Variants in LPAR5 observed in about 807,000 individuals in gnomAD.
LPAR5 encodes lysophosphatidic acid receptor 5.
For missense variants in LPAR5, 544 were observed against 521.8 expected (o/e 1.04, Z -0.41); for synonymous variants, 271 against 261.6 (o/e 1.04, Z -0.35).
intron 1 of LPAR5, among the ~76,000 whole-genome samples, chr12:6,625,406 C>G (rs1948928440): frequency 8.2e-6 from 1 of 121,740 alleles, no homozygotes; most frequent in Non-Finnish European, 1.7e-5. Flanking sequence ...GCCTGGGCAA[C>G]AGAGACTCCG....
At chr12:6,630,840 C>G (rs933561237) in intron 1 of LPAR5, among the ~76,000 whole-genome samples, 1 of 152,214 alleles carries the variant, frequency 6.6e-6, no homozygotes, top group Non-Finnish European at 1.5e-5. Flanking sequence ...GCACTGAGAG[C>G]TGCCAGGCCC....
chr12:6,623,823 A>G (rs1331034647), intron 1 of LPAR5, among the ~76,000 whole-genome samples: 1 of 152,046 alleles, frequency 6.6e-6, no homozygotes, highest in African/African-American at 2.4e-5. Flanking sequence ...CTCATTATCC[A>G]AAGAATAAAG....
intron 1 of LPAR5, among the ~76,000 whole-genome samples, chr12:6,628,578 A>G (rs1948960456): frequency 1.3e-5 from 2 of 151,358 alleles, no homozygotes; most frequent in African/African-American, 4.9e-5. Context: ...CTCCTGCTTC[A>G]GCCTCCTGAA....
rs753632355 is a variant in LPAR5, at chr12:6,620,391, G to A, written c.858C>T (p.Ala286=). The A allele has an allele frequency of 6.2e-7, 1 of 1,611,424 alleles. No individual in the cohort carries two copies. Among genetic ancestry groups the A allele is most frequent in the Non-Finnish European group, 8.5e-7 (1 of 1,179,206 alleles). The change falls in exon 2 of 2, where the codon GCC becomes GCT. Residue 286 remains alanine (A), a synonymous_variant. Coordinates refer to ENST00000329858, the MANE Select transcript of LPAR5 (RefSeq NM_020400.6). This position sits in a 1 kb window ranked among gnomAD's most constrained non-coding sequence, Gnocchi z 6.8. ...GCGGGTCCAGCACGCAGTTGGCGCCGGCCAGCAGCACCATCACCATCAGCA... is the reference window on the plus strand; with the variant it reads ...GCGGGTCCAGCACGCAGTTGGCGCCAGCCAGCAGCACCATCACCATCAGCA... ...RGVLMVMVLL[A]GANCVLDPLV... is the part of the protein sequence containing the mutation.
In LPAR5 at chr12:6,621,034, G is replaced by A; in HGVS notation, c.215C>T (p.Thr72Ile). 1 of 1,609,362 alleles carries A rather than the reference G, an allele frequency of 6.2e-7. No homozygotes were observed. The highest frequency in any genetic ancestry group is 1.1e-5 in the South Asian group (1 of 90,690). Residue 72 changes from threonine to isoleucine, a missense_variant, in exon 2 of 2, where the codon ACC (threonine) becomes ATC (isoleucine). Thr to Ile is a moderately conservative substitution (Grantham distance 89, BLOSUM62 -1). Coordinates refer to ENST00000329858, the MANE Select transcript of LPAR5 (RefSeq NM_020400.6). ...CNLAASDLLF[T>I]LSLPVRLSYY... Reference sequence around the variant, plus strand: ...GGAGAGACGAACGGGCAGCGAGAGGGTGAAGAGCAGGTCGCTGGCCGCCAG... The same window carrying A: ...GGAGAGACGAACGGGCAGCGAGAGGATGAAGAGCAGGTCGCTGGCCGCCAG...
intron 1 of LPAR5, among the ~76,000 whole-genome samples, 170 bp downstream of exon 1, chr12:6,635,737 A>G (rs1031310943): frequency 3.9e-5 from 6 of 152,110 alleles, no homozygotes; most frequent in Non-Finnish European, 7.4e-5. Context: ...GCGCCATCTG[A>G]AAAGATCTGT....
Position 6,621,032 on chromosome 12 carries a change from G to A in LPAR5, c.217C>T (p.Leu73Phe), listed in dbSNP as rs900370196. Residue 73 changes from leucine to phenylalanine, a missense_variant, in exon 2 of 2, where the codon CTC (leucine) becomes TTC (phenylalanine). By Grantham distance (22) the Leu-to-Phe change is conservative. Transcript: ENST00000329858. The part of the protein sequence containing the change: ...NLAASDLLFT[L>F]SLPVRLSYYA... The stretch of plus-strand genomic sequence containing the variant: ...TAGGAGAGACGAACGGGCAGCGAGA[G>A]GGTGAAGAGCAGGTCGCTGGCCGCC... The A allele has an allele frequency of 6.2e-7, 1 of 1,610,674 alleles. No individual in the cohort carries two copies. Among genetic ancestry groups the A allele is most frequent in the South Asian group, 1.1e-5 (1 of 90,774 alleles).
intron 1 of LPAR5, among the ~76,000 whole-genome samples, chr12:6,629,609 G>T (rs1326976794): frequency 6.8e-6 from 1 of 147,852 alleles, no homozygotes; most frequent in Non-Finnish European, 1.5e-5. Flanking sequence ...GGGAGGCAGA[G>T]GTTGCAGTGA....
intron 1 of LPAR5, among the ~76,000 whole-genome samples, 189 bp downstream of exon 1, chr12:6,635,718 G>C (rs1285714774): frequency 6.6e-6 from 1 of 152,170 alleles, no homozygotes; most frequent in Non-Finnish European, 1.5e-5. Flanking sequence ...CATGTTAGCT[G>C]TTTGTCCAGC....
Position 6,620,301 on chromosome 12 carries a change from C to G in LPAR5, c.948G>C (p.Arg316=), listed in dbSNP as rs755923054. 1.9e-6 allele frequency: 3 copies of G among 1,606,360 alleles called. No homozygotes were observed. The highest frequency in any genetic ancestry group is 2.2e-5 in the East Asian group (1 of 44,598). Residue 316 remains arginine, a synonymous_variant, in exon 2 of 2, where the codon CGG becomes CGC. Transcript: ENST00000329858. This position sits in a 1 kb window ranked among gnomAD's most constrained non-coding sequence, Gnocchi z 6.8. ...TCCCGTTGGTGGCCGAGGTCCTGGCCCGGTGCGGAGTGCCCAGGCCGCGCA... is the reference window on the plus strand; with the variant it reads ...TCCCGTTGGTGGCCGAGGTCCTGGCGCGGTGCGGAGTGCCCAGGCCGCGCA... ...NTLRGLGTPH[R]ARTSATNGTR...
In LPAR5 at chr12:6,620,132, A is replaced by G; in HGVS notation, c.1117T>C (p.Ter373ArgextTer80). The change falls in exon 2 of 2, where the codon TGA becomes CGA. Residue 373 changes from the stop codon to arginine, a stop_lost. Coordinates refer to ENST00000329858, the MANE Select transcript of LPAR5 (RefSeq NM_020400.6). This position sits in a 1 kb window ranked among gnomAD's most constrained non-coding sequence, Gnocchi z 6.8. ...GGACAGCGCAATGGCATGTGTGTTC[A>G]GAGGGCGGAATCCTGGGGACACTGT... ...FTQCPQDSAL[*>R] 6.2e-7 allele frequency: 1 copy of G among 1,613,854 alleles called. No individual in the cohort carries two copies. Among genetic ancestry groups the G allele is most frequent in the East Asian group, 2.2e-5 (1 of 44,878 alleles).
chr12:6,630,452 TTTTTTTTTTTTTTTTTTTTTGA>T (rs928729540), intron 1 of LPAR5, among the ~76,000 whole-genome samples: 2 of 110,030 alleles, frequency 1.8e-5, no homozygotes, highest in Non-Finnish European at 3.8e-5. Context: ...TTTTTTTTTT[TTTTTTTTTTTTTTTTTTTTTGA>T]GACGGAGTCT....
chr12:6,623,169 C>T (rs549060325), intron 1 of LPAR5, among the ~76,000 whole-genome samples: 5 of 151,342 alleles, frequency 3.3e-5, no homozygotes, highest in African/African-American at 9.7e-5. Context: ...ACCCAGGAGG[C>T]GGAGGTTGCA....
rs775965638 is a variant in LPAR5, at chr12:6,621,121, G to T, written c.128C>A (p.Ala43Asp). 3 of 1,603,360 alleles carry T rather than the reference G, an allele frequency of 1.9e-6. No homozygotes were observed. In the Admixed American group the frequency reaches 5.1e-5, roughly 27 times the overall value. The stretch of plus-strand genomic sequence containing the variant: ...CAGCGCGCGCAGGAAGACCCAGAGG[G>T]CTAGCGCGTTGAGGGGGAGCCCGGC... Reference protein sequence around the residue: ...LAAGLPLNALALWVFLRALRV... With the variant: ...LAAGLPLNALDLWVFLRALRV... Residue 43 changes from alanine to aspartate, a missense_variant, in exon 2 of 2, where the codon GCC (alanine) becomes GAC (aspartate). By Grantham distance (126) the Ala-to-Asp change is moderately radical (BLOSUM62 -2). Coordinates refer to ENST00000329858, the MANE Select transcript of LPAR5 (RefSeq NM_020400.6).
chr12:6,626,232 G>C (rs187308492), intron 1 of LPAR5, among the ~76,000 whole-genome samples: 24 of 152,222 alleles, frequency 1.6e-4, no homozygotes, highest in African/African-American at 5.5e-4. Flanking sequence ...CTAAGATCGC[G>C]CCACTGCACT....
At chr12:6,623,128 C>T (rs1483624210) in intron 1 of LPAR5, among the ~76,000 whole-genome samples, 1 of 152,064 alleles carries the variant, frequency 6.6e-6, no homozygotes, top group Non-Finnish European at 1.5e-5. Context: ...GTCCCAGCTA[C>T]TCAGGAGGCT....
intron 1 of LPAR5, among the ~76,000 whole-genome samples, chr12:6,632,054 C>T (rs34012476): frequency 0.12 from 18,435 of 152,210 alleles, 1,422 homozygotes; most frequent in East Asian, 0.25. Context: ...TCACTGCAAC[C>T]TCTGCCTCCC....
chr12:6,633,832 T>C (rs1948995341), intron 1 of LPAR5, among the ~76,000 whole-genome samples: 1 of 151,846 alleles, frequency 6.6e-6, no homozygotes, highest in Non-Finnish European at 1.5e-5. Context: ...ACAGATGGAG[T>C]TGGGCTCTAG....
In LPAR5 at chr12:6,619,828, T is replaced by C. The variant is rs1221957004; in HGVS notation, c.*302A>G. Reference sequence around the variant, plus strand: ...ATCTAACCAGCTTTTAGCAGTTTAATGCCCTGCCCACCCAAAGGCATTTCG... The same window carrying C: ...ATCTAACCAGCTTTTAGCAGTTTAACGCCCTGCCCACCCAAAGGCATTTCG... On this transcript the variant is annotated 3_prime_UTR_variant, in exon 2 of 2. Transcript: ENST00000329858. The C allele has an allele frequency of 1.8e-6, 1 of 552,348 alleles. No homozygotes were observed. The highest frequency in any genetic ancestry group is 1.9e-5 in the African/African-American group (1 of 53,756). 34.2% of individuals were successfully genotyped at this position (552,348 alleles called of 1,614,324 possible). A position where few individuals can be genotyped will look rare whatever the true frequency, so the allele number is the denominator to read the frequency against.
Sources: allele counts gnomAD v4.1 joint callset (sites outside exome capture counted in the v4.1 genomes callset), GRCh38; gene constraint gnomAD v4.1.1; non-coding constraint Gnocchi (gnomAD v3.1); transcripts MANE v1.5; gene names NCBI Gene and HGNC (gene_info 2026-07-23, HGNC 2026-07-21).